Variants in OTOA observed in about 807,000 individuals in gnomAD.
OTOA encodes the protein otoancorin.
OTOA carries 70 observed loss-of-function variants against 110.8 expected under a neutral mutation model. The ratio of observed to expected loss-of-function variants is 0.63; its 90% CI spans 0.52 to 0.77. The LOEUF (loss-of-function observed/expected upper bound fraction) is 0.77. Among genes scored for constraint, OTOA ranks in the 30% least tolerant of loss-of-function variants. OTOA has a pLI of 0.00. For synonymous variants in OTOA, 373 were observed against 431.5 expected (o/e 0.86, Z 1.68); for missense variants, 917 against 1,075.8 (o/e 0.85, Z 2.06).
intron 19 of OTOA, chr16:21,727,182 A>AT (rs1172330843): frequency 6.2e-6 from 1 of 161,558 alleles, no homozygotes; most frequent in Non-Finnish European, 1.4e-5. Context: ...ACACCCGGTT[A>AT]TTTTTTGTAT....
At chr16:21,705,882 C>T (rs535149834) in intron 12 of OTOA, among the ~76,000 whole-genome samples, 12 of 151,330 alleles carry the variant, frequency 7.9e-5, no homozygotes, top group Admixed American at 3.3e-4. Context: ...GAGGTTGTGG[C>T]GAGCTGAGAT....
chr16:21,703,535 G>A (rs1898094041), intron 11 of OTOA, among the ~76,000 whole-genome samples: 1 of 152,128 alleles, frequency 6.6e-6, no homozygotes, highest in Admixed American at 6.5e-5. Flanking sequence ...TGACGTGTTG[G>A]ACACTTAGGA....
In OTOA at chr16:21,760,517, C is replaced by A; in HGVS notation, c.3397C>A (p.Leu1133Ile). 6.2e-7 allele frequency: 1 copy of A among 1,606,342 alleles called. No homozygotes were observed. The highest frequency in any genetic ancestry group is 1.1e-5 in the South Asian group (1 of 90,908). ...TTGGCTTGGTTGTCCCCTGCTGGTT[C>A]TAATGGCCAAGCTCCTGTGGTGAGT... ...GLWLGCPLLV[L>I]MAKLLW is the part of the protein sequence containing the mutation. Residue 1133 changes from leucine (L) to isoleucine (I), a missense_variant, in exon 29 of 29, where the codon CTA becomes ATA. Around this residue, in one of 6 missense-constraint regions of OTOA, gnomAD observed 11 missense variants for 23.8 expected, o/e 0.46. Transcript: ENST00000646100.
In OTOA at chr16:21,721,269, A is replaced by G. The variant is rs953383662; in HGVS notation, c.1807-1636A>G. Reference sequence around the variant, plus strand: ...CACACACACACACACACACACACACACACACACACAAACAACCAATACAGA... The same window carrying G: ...CACACACACACACACACACACACACGCACACACACAAACAACCAATACAGA... On this transcript the variant is annotated intron_variant, in intron 17 of 28. Coordinates refer to ENST00000646100, the MANE Select transcript of OTOA (RefSeq NM_144672.4). The G allele has an allele frequency of 5.2e-4, 237 of 453,680 alleles. 1 individual carries two copies. Among genetic ancestry groups the G allele is most frequent in the Middle Eastern group, 2.3e-3 (4 of 1,720 alleles). The allele number at this position is 453,680 out of a possible 1,614,324, so 28.1% of individuals were successfully genotyped here.
In OTOA at chr16:21,716,892, T is replaced by C. The variant is rs1898571061; in HGVS notation, c.1489-15T>C. ...TTTTTTACAATGTTGTTTTGTTGCT[T>C]CTCGCTTCTGGCAGATGGTCCAAGC... is the stretch of plus-strand genomic sequence containing the variant. On this transcript the variant is annotated splice_polypyrimidine_tract_variant and intron_variant, in intron 14 of 28. Coordinates refer to ENST00000646100, the MANE Select transcript of OTOA (RefSeq NM_144672.4). The C allele has an allele frequency of 6.2e-7, 1 of 1,613,780 alleles. No homozygotes were observed. The highest frequency in any genetic ancestry group is 2.2e-5 in the East Asian group (1 of 44,856).
At chr16:21,726,177 T>A (rs1284743760) in intron 18 of OTOA, among the ~76,000 whole-genome samples, 1 of 152,198 alleles carries the variant, frequency 6.6e-6, no homozygotes, top group Non-Finnish European at 1.5e-5. Flanking sequence ...CATTCTCTGA[T>A]CAATGCTCTG....
intron 19 of OTOA, 24 bp downstream of exon 19, chr16:21,726,682 C>A (rs996298113): frequency 1.9e-6 from 3 of 1,613,824 alleles, no homozygotes; most frequent in Non-Finnish European, 2.5e-6. Context: ...TCCTGGGTGT[C>A]CCCTCCCTCT....
intron 1 of OTOA, among the ~76,000 whole-genome samples, chr16:21,671,615 G>GA (rs112474466): frequency 0.061 from 8,455 of 138,402 alleles, 843 homozygotes; most frequent in African/African-American, 0.21. Flanking sequence ...AAAGAAAAAA[G>GA]AAAAAAAAAA....
chr16:21,685,744 G>T (rs1335237163), intron 7 of OTOA, among the ~76,000 whole-genome samples: 1 of 151,710 alleles, frequency 6.6e-6, no homozygotes, highest in Non-Finnish European at 1.5e-5. Context: ...TGTATTTTTA[G>T]TAGAGACGAG....
chr16:21,714,304 C>T (rs2005615), intron 13 of OTOA, among the ~76,000 whole-genome samples: 7,846 of 110,638 alleles, frequency 0.071, 276 homozygotes, highest in South Asian at 0.096. Context: ...TTCCTTTCTT[C>T]CTTCCTTCCT....
intron 15 of OTOA, among the ~76,000 whole-genome samples, 168 bp from the exon 16 acceptor site, chr16:21,718,965 G>A (rs1341771274): frequency 6.6e-6 from 1 of 152,150 alleles, no homozygotes; most frequent in East Asian, 1.9e-4. Flanking sequence ...TCAAATCCAG[G>A]CACTGCCACT....
intron 18 of OTOA, among the ~76,000 whole-genome samples, chr16:21,724,769 A>T (rs1213882105): frequency 6.6e-6 from 1 of 151,764 alleles, no homozygotes; most frequent in African/African-American, 2.4e-5. Flanking sequence ...ACATTAATTA[A>T]TTAATTAATT....
At chr16:21,732,796 A>G (rs1002759384) in intron 21 of OTOA, among the ~76,000 whole-genome samples, 2 of 147,634 alleles carry the variant, frequency 1.4e-5, no homozygotes, top group Non-Finnish European at 3.0e-5. Context: ...TGTAAAAGTG[A>G]ATGCCAAATT....
chr16:21,716,951 A>T lies in OTOA; in HGVS notation c.1533A>T (p.Gln511His), dbSNP rs760072031. 1.9e-6 allele frequency: 3 copies of T among 1,613,974 alleles called. No individual in the cohort carries two copies. The Admixed American group carries it at 5.0e-5, about 27-fold the overall frequency. Reference sequence around the variant, plus strand: ...CTGCCCCAGGCATCGTGGAGATACAAGGGGCTTTCTTTAAGGAAGTGTCTC... The same window carrying T: ...CTGCCCCAGGCATCGTGGAGATACATGGGGCTTTCTTTAAGGAAGTGTCTC... Reference protein sequence around the residue: ...EDTAPGIVEIQGAFFKEVSLF... With the variant: ...EDTAPGIVEIHGAFFKEVSLF... The change falls in exon 15 of 29, where the codon CAA becomes CAT. Residue 511 changes from glutamine to histidine, a missense_variant. Gln to His is a conservative substitution (Grantham distance 24, BLOSUM62 0). Transcript: ENST00000646100.
intron 15 of OTOA, 67 bp from the exon 16 acceptor site, chr16:21,719,066 A>G (rs1489868709): frequency 1.4e-6 from 2 of 1,460,018 alleles, no homozygotes; most frequent in African/African-American, 2.8e-5. Context: ...CCTTCCTGAT[A>G]GGGCCTCACA....
At chr16:21,717,248 G>A (rs1898585699) in intron 15 of OTOA, among the ~76,000 whole-genome samples, 2 of 152,134 alleles carry the variant, frequency 1.3e-5, no homozygotes. Context: ...ACCAGCCTGG[G>A]CAACATAGCA....
chr16:21,714,328 C>T (rs980645546), intron 13 of OTOA, among the ~76,000 whole-genome samples: 4 of 128,990 alleles, frequency 3.1e-5, no homozygotes, highest in South Asian at 2.7e-4. Context: ...TTCCTTCCTT[C>T]CTTCCTTTCT....
chr16:21,691,764 A>G (rs1183433186), intron 9 of OTOA, 77 bp downstream of exon 9: 19 of 1,290,492 alleles, frequency 1.5e-5, no homozygotes, highest in African/African-American at 2.9e-5. Context: ...CTCTGAAAAC[A>G]TGGATTTGAT....
At chr16:21,695,883 A>T (rs895538853) in intron 9 of OTOA, among the ~76,000 whole-genome samples, 27 of 43,772 alleles carry the variant, frequency 6.2e-4, no homozygotes, top group Non-Finnish European at 1.0e-3. Context: ...ATATATATAT[A>T]TATATATATT....
Sources: gnomAD v4.1 joint callset for allele counts (sites outside exome capture counted in the v4.1 genomes callset) on GRCh38, gnomAD v4.1.1 for gene constraint, gnomAD v4.1.1 regional missense constraint, MANE v1.5 for transcripts, NCBI Gene and HGNC (gene_info 2026-07-23, HGNC 2026-07-21) for gene names.